Variants in MYCT1 observed in about 807,000 individuals in gnomAD.
MYCT1 encodes myc target protein 1.
A neutral mutation model predicts 15.0 loss-of-function variants in MYCT1; 12 were observed. The ratio of observed to expected loss-of-function variants is 0.80; its 90% CI spans 0.51 to 1.29. The LOEUF is 1.29. MYCT1 is among the 50% of genes most tolerant of loss of function. The pLI, the probability that MYCT1 is intolerant of heterozygous loss-of-function variation, is 0.00. For synonymous variants in MYCT1, 104 were observed against 102.7 expected, an observed-to-expected ratio of 1.01 and a Z score of -0.07; for missense variants, 287 against 279.1, an observed-to-expected ratio of 1.03 and a Z score of -0.20.
intron 1 of MYCT1, among the ~76,000 whole-genome samples, chr6:152,715,835 G>A (rs1167265399): frequency 3.3e-5 from 5 of 152,138 alleles, no homozygotes; most frequent in Non-Finnish European, 7.4e-5. Flanking sequence ...GGAATGGTGA[G>A]GGGGGAAGTG....
rs201800680 is a variant in MYCT1 at position 152,721,828 on chromosome 6, C to T, written c.283C>T (p.Arg95Ter). The change falls in exon 2 of 2, where the codon CGA becomes TGA. Residue 95 changes from arginine (R) to a stop codon, truncating the protein, a stop_gained. Transcript: ENST00000367245. LOFTEE classifies it high-confidence loss of function. ...FIWAVFICLSRRRRASAPISQ... is the reference protein window; with the variant it reads ...FIWAVFICLS ...TTGGGCTGTGTTCATTTGTCTGTCT[C>T]GAAGAAGAAGAGCCAGTGCTCCCAT... is the stretch of plus-strand genomic sequence containing the variant. 325 of 1,613,960 alleles carry T rather than the reference C, an allele frequency of 2.0e-4. No homozygotes were observed. The highest frequency in any genetic ancestry group is 2.6e-4 in the Non-Finnish European group (306 of 1,180,000).
the MYCT1 span, among the ~76,000 whole-genome samples, chr6:152,738,916 C>T: frequency 1.3e-5 from 2 of 151,722 alleles, no homozygotes; most frequent in Non-Finnish European, 2.9e-5. Context: ...TATAAGGCAC[C>T]ATTACAGTTT....
the MYCT1 span, among the ~76,000 whole-genome samples, chr6:152,746,885 A>G: frequency 2.0e-5 from 3 of 152,222 alleles, no homozygotes; most frequent in Non-Finnish European, 2.9e-5. Flanking sequence ...GGGACAGATA[A>G]CGAGGTTTTG....
rs770029443 is a variant in MYCT1, at chr6:152,698,098, G to A, written c.196G>A (p.Glu66Lys). ...LGSPWPENFW[E>K]DLIMSFTVSM... ...GAGTCCATGGCCAGAAAACTTTTGG[G>A]GTAAGGTATTTTCTTTTACTGTTTA... Residue 66 changes from glutamate (E) to lysine (K), a missense_variant and splice_region_variant, in exon 1 of 2, where the codon GAG becomes AAG. Coordinates refer to ENST00000367245, the MANE Select transcript of MYCT1 (RefSeq NM_025107.3). 1.0e-5 allele frequency: 16 copies of A among 1,534,238 alleles called. No individual in the cohort carries two copies. Among genetic ancestry groups the A allele is most frequent in the Non-Finnish European group, 1.2e-5 (14 of 1,146,946 alleles).
intron 1 of MYCT1, among the ~76,000 whole-genome samples, chr6:152,715,854 G>A (rs374228457): frequency 3.3e-5 from 5 of 152,296 alleles, no homozygotes; most frequent in African/African-American, 1.2e-4. Context: ...TGCAGACAGA[G>A]CTCAGTGACC....
intron 1 of MYCT1, among the ~76,000 whole-genome samples, chr6:152,718,896 T>C (rs1259392061): frequency 6.6e-6 from 1 of 152,160 alleles, no homozygotes; most frequent in Non-Finnish European, 1.5e-5. Context: ...ACTCTAGTAG[T>C]GGTTAGGTAC....
At chr6:152,731,218 C>A in the MYCT1 span, among the ~76,000 whole-genome samples, 2 of 100,000 alleles carry the variant, frequency 2.0e-5, no homozygotes, top group Admixed American at 2.2e-4. Context: ...GTGTACCTAG[C>A]GTGAAAAAAA....
At chr6:152,698,785 G>A (rs1211743376) in intron 1 of MYCT1, among the ~76,000 whole-genome samples, 2 of 152,134 alleles carry the variant, frequency 1.3e-5, no homozygotes, top group African/African-American at 4.8e-5. Flanking sequence ...GGGTTGGGGG[G>A]AAAGAACAAT....
rs1565395426 is a variant in MYCT1 at position 152,721,858 on chromosome 6, C to T, written c.313C>T (p.Gln105Ter). ...RRRRASAPIS[Q>*]WSSSRRSRSS... ...AAGAAGAGCCAGTGCTCCCATCTCA[C>T]AGTGGAGTTCAAGCAGGAGATCTAG... The change falls in exon 2 of 2, where the codon CAG becomes TAG. Residue 105 changes from glutamine to a stop codon, truncating the protein, a stop_gained. Coordinates refer to ENST00000367245, the MANE Select transcript of MYCT1 (RefSeq NM_025107.3). LOFTEE classifies it high-confidence loss of function. 6.2e-7 allele frequency: 1 copy of T among 1,613,948 alleles called. No homozygotes were observed. The highest frequency in any genetic ancestry group is 8.5e-7 in the Non-Finnish European group (1 of 1,180,022).
intron 1 of MYCT1, among the ~76,000 whole-genome samples, chr6:152,718,308 C>A (rs9371263): frequency 0.083 from 12,677 of 152,094 alleles, 914 homozygotes; most frequent in African/African-American, 0.18. Context: ...TACATCAGAA[C>A]AATAATGTAT....
At chr6:152,743,232 A>G in the MYCT1 span, among the ~76,000 whole-genome samples, 1 of 151,906 alleles carries the variant, frequency 6.6e-6, no homozygotes, top group East Asian at 1.9e-4. Context: ...CGCCCGGCTG[A>G]TTTTTGTATT....
chr6:152,713,457 T>A (rs899668315), intron 1 of MYCT1, among the ~76,000 whole-genome samples: 1 of 152,122 alleles, frequency 6.6e-6, no homozygotes, highest in Non-Finnish European at 1.5e-5. Context: ...TGCCCAGTAA[T>A]TTCATATTGT....
intron 1 of MYCT1, among the ~76,000 whole-genome samples, chr6:152,712,946 T>C (rs1170359601): frequency 6.6e-6 from 1 of 152,042 alleles, no homozygotes; most frequent in African/African-American, 2.4e-5. Flanking sequence ...GATTAATTTG[T>C]TTCACTAATT....
chr6:152,729,124 G>C (rs2099726140), downstream of MYCT1, among the ~76,000 whole-genome samples: 1 of 152,048 alleles, frequency 6.6e-6, no homozygotes, highest in African/African-American at 2.4e-5. Flanking sequence ...GAAGCAATTA[G>C]GAATAGAATT....
downstream of MYCT1, among the ~76,000 whole-genome samples, chr6:152,726,495 C>A (rs1374405705): frequency 1.3e-5 from 2 of 151,866 alleles, no homozygotes; most frequent in Non-Finnish European, 2.9e-5. Flanking sequence ...GGGACCCATG[C>A]CTCATGGGGC....
chr6:152,702,508 G>A lies in MYCT1; in HGVS notation c.196+4410G>A, dbSNP rs182390500. ...GGTAATTGATGAGATGCAGGGTTGT[G>A]AACTGATTTGTTGGGGATCAAGTGC... On this transcript the variant is annotated intron_variant, in intron 1 of 1. Transcript: ENST00000367245. Among the ~76,000 whole-genome samples the A allele has an allele frequency of 3.3e-5, 5 of 152,222 alleles. No individual in the cohort carries two copies. The East Asian group carries it at 9.7e-4, about 29-fold the overall frequency.
chr6:152,717,910 T>A (rs1439881777), intron 1 of MYCT1, among the ~76,000 whole-genome samples: 3 of 152,146 alleles, frequency 2.0e-5, no homozygotes, highest in African/African-American at 2.4e-5. Flanking sequence ...TTATCCTACT[T>A]TATATTCATT....
chr6:152,712,945 G>T (rs2099723008), intron 1 of MYCT1, among the ~76,000 whole-genome samples: 1 of 151,748 alleles, frequency 6.6e-6, no homozygotes, highest in African/African-American at 2.4e-5. Context: ...AGATTAATTT[G>T]TTTCACTAAT....
the MYCT1 span, among the ~76,000 whole-genome samples, chr6:152,733,032 T>C: frequency 1.3e-5 from 2 of 152,320 alleles, no homozygotes; most frequent in South Asian, 4.1e-4. Context: ...CTTCATTTTT[T>C]ATTTTTGTGT....
Sources: allele counts gnomAD v4.1 joint callset (sites outside exome capture counted in the v4.1 genomes callset), GRCh38; gene constraint gnomAD v4.1.1; transcripts MANE v1.5; gene names NCBI Gene and HGNC (gene_info 2026-07-23, HGNC 2026-07-21).